Variants in APC observed in about 807,000 individuals in gnomAD.
The protein encoded by APC is adenomatous polyposis coli protein.
Under a neutral mutation model 247.0 loss-of-function variants are expected in APC, and 72 were observed. The ratio of observed to expected loss-of-function variants is 0.29; its 90% CI spans 0.24 to 0.35. APC has a LOEUF of 0.35. APC is among the 10% of genes least tolerant of loss of function. The pLI, the probability that APC is intolerant of heterozygous loss-of-function variation, is 1.00. For missense variants in APC, 3,400 were observed against 3,360.7 expected, an observed-to-expected ratio of 1.01 and a Z score of -0.29; for synonymous variants, 1,254 against 1,162.5, an observed-to-expected ratio of 1.08 and a Z score of -1.60.
At position 112,805,052 on chromosome 5, in the gene APC, A is replaced by G. The variant is rs79381877; in HGVS notation, c.834+3669A>G. Among the ~76,000 whole-genome samples the G allele has an allele frequency of 0.01, 1,591 of 152,184 alleles. 86 individuals carry two copies. Among genetic ancestry groups the G allele is most frequent in the Admixed American group, 0.077 (1,170 of 15,284 alleles). On this transcript the variant is annotated intron_variant, in intron 8 of 15. Coordinates refer to ENST00000257430, the MANE Select transcript of APC (RefSeq NM_000038.6). ...GCAAGTAAGTATGATCTCATTATAC[A>G]TATGTATAATGTGTGTATATGCATA...
At chr5:112,777,033 G>T (rs1024711559) in intron 5 of APC, among the ~76,000 whole-genome samples, 10 of 151,996 alleles carry the variant, frequency 6.6e-5, no homozygotes, top group African/African-American at 2.4e-4. Context: ...TTATAGATAT[G>T]AATTCTGATA....
intron 1 of APC, among the ~76,000 whole-genome samples, chr5:112,746,907 TATTGGAATTCATAGAATCATTTG>T (rs1753748331): frequency 6.6e-6 from 1 of 152,168 alleles, no homozygotes; most frequent in East Asian, 1.9e-4. Flanking sequence ...CTGGAAACCC[TATTGGAATTCATAGAATCATTTG>T]ATAAGGTGGC....
rs1271500919 is a variant in APC, at chr5:112,801,267, C to G, written c.730-12C>G. On this transcript the variant is annotated splice_polypyrimidine_tract_variant and intron_variant, in intron 7 of 15. Transcript: ENST00000257430. ...ATTTTTGCATGTACTGATGTTAACT[C>G]CATCTTAACAGAGGTCATCTCAGAA... is the stretch of plus-strand genomic sequence containing the variant. The G allele has an allele frequency of 1.9e-6, 3 of 1,608,868 alleles. No homozygotes were observed. Among genetic ancestry groups the G allele is most frequent in the Non-Finnish European group, 2.6e-6 (3 of 1,176,014 alleles).
At chr5:112,834,521 G>T (rs2149839298) in intron 14 of APC, among the ~76,000 whole-genome samples, 1 of 152,130 alleles carries the variant, frequency 6.6e-6, no homozygotes, top group East Asian at 1.9e-4. Context: ...GGGATTACAG[G>T]CATGAGCCAC....
chr5:112,803,358 TAG>T (rs1319460532), intron 8 of APC, among the ~76,000 whole-genome samples: 1 of 152,162 alleles, frequency 6.6e-6, no homozygotes, highest in Non-Finnish European at 1.5e-5. Flanking sequence ...AGCAAAAAGT[TAG>T]AAATAACCTA....
chr5:112,824,178 G>C (rs922054031), intron 11 of APC, among the ~76,000 whole-genome samples: 4 of 152,076 alleles, frequency 2.6e-5, no homozygotes, highest in African/African-American at 7.2e-5. Flanking sequence ...GCAATAGTCC[G>C]GTCTATTTAG....
intron 1 of APC, among the ~76,000 whole-genome samples, chr5:112,750,139 T>A (rs1384958795): frequency 6.6e-6 from 1 of 151,926 alleles, no homozygotes; most frequent in Admixed American, 6.6e-5. Flanking sequence ...ATTTTTGTAT[T>A]TTTAGTAGAG....
At position 112,839,822 on chromosome 5, in the gene APC, T is replaced by G. The variant is rs1561590765; in HGVS notation, c.4228T>G (p.Cys1410Gly). 6.2e-7 allele frequency: 1 copy of G among 1,614,060 alleles called. No homozygotes were observed. Among genetic ancestry groups the G allele is most frequent in the Non-Finnish European group, 8.5e-7 (1 of 1,180,006 alleles). Residue 1410 changes from cysteine to glycine, a missense_variant, in exon 16 of 16, where the codon TGC (cysteine) becomes GGC (glycine). By Grantham distance (159) the Cys-to-Gly change is radical. Around this residue, in one of 9 missense-constraint regions of APC, gnomAD observed 40 missense variants for 75.6 expected, o/e 0.53. Transcript: ENST00000257430. This position sits in a 1 kb window ranked among gnomAD's most constrained non-coding sequence, Gnocchi z 5.0. ...SIASSVQSEP[C>G]SGMVSGIISP... Reference sequence around the variant, plus strand: ...TGCCAGCTCCGTTCAGAGTGAACCATGCAGTGGAATGGTAAGTGGCATTAT... The same window carrying G: ...TGCCAGCTCCGTTCAGAGTGAACCAGGCAGTGGAATGGTAAGTGGCATTAT...
chr5:112,764,848 A>C (rs1479162655), intron 2 of APC, among the ~76,000 whole-genome samples: 1 of 152,228 alleles, frequency 6.6e-6, no homozygotes, highest in Non-Finnish European at 1.5e-5. Flanking sequence ...TCTTAAATGG[A>C]AGAGATGGTG....
At position 112,840,463 on chromosome 5, in the gene APC, G is replaced by A. The variant is rs2149925981; in HGVS notation, c.4869G>A (p.Arg1623=). ...ACAAACTTCTACCATCACAAAACAG[G>A]TTGCAACCCCAAAAGCATGTTAGTT... ...PVYKLLPSQN[R]LQPQKHVSFT... The change falls in exon 16 of 16, where the codon AGG becomes AGA. Residue 1623 remains arginine, a synonymous_variant. Transcript: ENST00000257430. The surrounding 1 kb of genome is among the most constrained non-coding windows in gnomAD (Gnocchi z 4.1). 6.2e-7 allele frequency: 1 copy of A among 1,614,158 alleles called. No individual in the cohort carries two copies. Among genetic ancestry groups the A allele is most frequent in the African/African-American group, 1.3e-5 (1 of 75,038 alleles).
At chr5:112,754,765 T>C (rs528582098) in intron 1 of APC, 108 bp from the exon 2 acceptor site, 2 of 1,043,524 alleles carry the variant, frequency 1.9e-6, no homozygotes, top group African/African-American at 3.2e-5. Context: ...ATTAACACAA[T>C]TCTTCTTAAA....
intron 14 of APC, among the ~76,000 whole-genome samples, chr5:112,833,419 G>A (rs771211604): frequency 1.3e-5 from 2 of 151,896 alleles, no homozygotes; most frequent in Non-Finnish European, 2.9e-5. Context: ...CTGACCTCGT[G>A]ATCCGTGCAC....
At chr5:112,821,819 A>G (rs369452152) in intron 10 of APC, 77 bp from the exon 11 acceptor site, 3 of 1,167,146 alleles carry the variant, frequency 2.6e-6, no homozygotes, top group East Asian at 4.7e-5. Flanking sequence ...TGATCCCTGC[A>G]TATTTTTAAA....
rs1754051623 is a variant in APC, at chr5:112,749,473, G to A, written c.-18-5400G>A. On this transcript the variant is annotated intron_variant, in intron 1 of 15. Coordinates refer to ENST00000257430, the MANE Select transcript of APC (RefSeq NM_000038.6). ...GAGGGGAAAGATATTAATACTTACT[G>A]CTCCAATTTTTTTTTTTTTTTTTTT... 2.1e-5 allele frequency among the ~76,000 whole-genome samples: 3 copies of A among 143,196 alleles called. 1 individual carries two copies. In the Admixed American group the frequency reaches 2.2e-4, roughly 11 times the overall value. The allele number at this position is 143,196 out of a possible 152,430, so 93.9% of individuals were successfully genotyped here. A position where few individuals can be genotyped will look rare whatever the true frequency, so the allele number is the denominator to read the frequency against.
At chr5:112,817,845 C>T (rs1373655808) in intron 9 of APC, among the ~76,000 whole-genome samples, 1 of 152,156 alleles carries the variant, frequency 6.6e-6, no homozygotes, top group Non-Finnish European at 1.5e-5. Context: ...AATAGTATCA[C>T]AGCTTGCTCC....
At chr5:112,837,449 T>C in intron 15 of APC, 104 bp from the exon 16 acceptor site, 1 of 790,316 alleles carries the variant, frequency 1.3e-6, no homozygotes, top group Non-Finnish European at 2.1e-6. Context: ...ATTTATAGGA[T>C]AATTGGTACA....
intron 7 of APC, among the ~76,000 whole-genome samples, chr5:112,799,497 C>G (rs1249927745): frequency 6.6e-6 from 1 of 152,116 alleles, no homozygotes; most frequent in East Asian, 1.9e-4. Flanking sequence ...TGCATAGTGC[C>G]ACTGTCTCAC....
chr5:112,727,729 G>A (rs1344667472), intron 1 of APC, among the ~76,000 whole-genome samples: 1 of 152,128 alleles, frequency 6.6e-6, no homozygotes, highest in Non-Finnish European at 1.5e-5. Context: ...GAATCCACAT[G>A]CATAAGCATT....
At chr5:112,818,231 C>T (rs1034520823) in intron 9 of APC, among the ~76,000 whole-genome samples, 14 of 152,152 alleles carry the variant, frequency 9.2e-5, no homozygotes, top group Non-Finnish European at 1.5e-4. Flanking sequence ...TACCCTCTAG[C>T]GTTAAAATGA....
Sources: allele counts gnomAD v4.1 joint callset (sites outside exome capture counted in the v4.1 genomes callset), GRCh38; gene constraint gnomAD v4.1.1; regional missense constraint gnomAD v4.1.1; non-coding constraint Gnocchi (gnomAD v3.1); transcripts MANE v1.5; gene names NCBI Gene and HGNC (gene_info 2026-07-23, HGNC 2026-07-21).